The following OBSL1 variants were observed in gnomAD, a reference collection of about 807,000 sequenced individuals.
OBSL1 encodes the protein obscurin like cytoskeletal adaptor 1.
In OBSL1, 160 loss-of-function variants were observed where a neutral mutation model predicts 172.0. That is an observed-to-expected ratio of 0.93 (90% CI 0.82 to 1.06). The LOEUF is 1.06. Ranked by LOEUF, OBSL1 falls within the 50% of genes least tolerant of loss-of-function variation. OBSL1 has a pLI of 0.00. For synonymous variants in OBSL1, 1,200 were observed against 1,196.3 expected, an observed-to-expected ratio of 1.00 and a Z score of -0.06; for missense variants, 2,681 against 2,715.4, an observed-to-expected ratio of 0.99 and a Z score of 0.28.
chr2:219,555,277 A>C (rs1267895110), intron 14 of OBSL1: 1 of 154,260 alleles, frequency 6.5e-6, no homozygotes, highest in East Asian at 1.9e-4. Flanking sequence ...TAATGTTCCC[A>C]GAGACACTTG....
At chr2:219,559,002 T>TG in intron 9 of OBSL1, 2 of 552,578 alleles carry the variant, frequency 3.6e-6, no homozygotes, top group Non-Finnish European at 6.4e-6. Context: ...CAATGAGTAT[T>TG]GAACGAATGG....
At chr2:219,551,866 TTCC>T in intron 19 of OBSL1, 68 bp from the exon 20 acceptor site, 4 of 1,029,032 alleles carry the variant, frequency 3.9e-6, no homozygotes, top group Non-Finnish European at 5.8e-6. Flanking sequence ...GAGATGCATC[TTCC>T]CTCCCTGAAG....
At chr2:219,550,591 A>G (rs1695548459), downstream of OBSL1, 2 of 558,470 alleles carry the variant, frequency 3.6e-6, no homozygotes, top group East Asian at 5.8e-5. Flanking sequence ...GGCCTCTGCC[A>G]GGAATGGTGG....
chr2:219,563,235 C>T, intron 7 of OBSL1, 120 bp downstream of exon 7: 2 of 1,034,906 alleles, frequency 1.9e-6, no homozygotes, highest in Non-Finnish European at 2.8e-6. Context: ...GAGGTCCGAT[C>T]TGCCAGGGGG....
At chr2:219,565,864 AC>A (rs761696294) in intron 5 of OBSL1, among the ~76,000 whole-genome samples, 3 of 151,960 alleles carry the variant, frequency 2.0e-5, no homozygotes, top group Non-Finnish European at 4.4e-5. Context: ...ACAGTGAATC[AC>A]CCCAAGACCC....
In OBSL1 at chr2:219,555,902, T is replaced by C. The variant is rs1302385617; in HGVS notation, c.4609+118A>G. ...GGGCAAGCTGCTGCTGGGACGGCCATGGGTGACTTTTCTCAGCGATGAGGG... is the reference window on the plus strand; with the variant it reads ...GGGCAAGCTGCTGCTGGGACGGCCACGGGTGACTTTTCTCAGCGATGAGGG... On this transcript the variant is annotated intron_variant, in intron 14 of 20. Transcript: ENST00000404537. 4 of 1,497,850 alleles carry C rather than the reference T, an allele frequency of 2.7e-6. No homozygotes were observed. The African/African-American group carries it at 5.6e-5, about 21-fold the overall frequency. The allele number at this position is 1,497,850 out of a possible 1,614,324, so 92.8% of individuals were successfully genotyped here.
At chr2:219,564,087 A>G (rs1696698023) in intron 6 of OBSL1, among the ~76,000 whole-genome samples, 1 of 152,224 alleles carries the variant, frequency 6.6e-6, no homozygotes, top group African/African-American at 2.4e-5. Context: ...CACTGGGTGC[A>G]TTCAGGCAGG....
intron 6 of OBSL1, 87 bp from the exon 7 acceptor site, chr2:219,563,714 C>T: frequency 2.1e-6 from 3 of 1,415,412 alleles, no homozygotes; most frequent in Non-Finnish European, 2.9e-6. Context: ...ACTGTTTCTG[C>T]ACAAGAGGAC....
In OBSL1 at chr2:219,567,551, G is replaced by C. The variant is rs1233577963; in HGVS notation, c.1559C>G (p.Pro520Arg). The change falls in exon 4 of 21, where the codon CCC becomes CGC. Residue 520 changes from proline (P) to arginine (R), a missense_variant. By Grantham distance (103) the Pro-to-Arg change is moderately radical. Transcript: ENST00000404537. ...CTTGAACATCTCTGCCAATATGGGG[G>C]GTCCTGGGGGACTGTGCTTGACACC... ...VKCVKHSPPG[P>R]PILAEMFKGH... 2 of 1,611,890 alleles carry C rather than the reference G, an allele frequency of 1.2e-6. No homozygotes were observed. Among genetic ancestry groups the C allele is most frequent in the African/African-American group, 2.7e-5 (2 of 74,894 alleles).
In OBSL1 at chr2:219,552,976, C is replaced by G. The variant is rs1705030; in HGVS notation, c.5038G>C (p.Gly1680Arg). The G allele has an allele frequency of 6.5e-7, 1 of 1,530,750 alleles. No individual in the cohort carries two copies. The highest frequency in any genetic ancestry group is 1.2e-5 in the South Asian group (1 of 83,324). The allele number at this position is 1,530,750 out of a possible 1,614,324, so 94.8% of individuals were successfully genotyped here. ...CGCAGCTGGAGAAGGCGGCGCGTGC[C>G]GAGGGCCTGGAGCCGGAGCCGCGGG... ...PSPRLRLQAL[G>R]TRRLLQLRRC... The change falls in exon 17 of 21, where the codon GGC becomes CGC. Residue 1680 changes from glycine to arginine, a missense_variant. This residue lies in a region of OBSL1 where 1,765 missense variants were observed against 1,748.3 expected (regional missense o/e 1.01). Coordinates refer to ENST00000404537, the MANE Select transcript of OBSL1 (RefSeq NM_015311.3).
In OBSL1 at chr2:219,551,714, G is replaced by C. The variant is rs1490318297; in HGVS notation, c.5498C>G (p.Ser1833Cys). ...GRRAVLEVTV[S>C]RSGGHVCWLR... Reference sequence around the variant, plus strand: ...CCAGCACACGTGGCCCCCCGAGCGGGACACAGTCACCTCCAGCACCGCCCG... The same window carrying C: ...CCAGCACACGTGGCCCCCCGAGCGGCACACAGTCACCTCCAGCACCGCCCG... Residue 1833 changes from serine to cysteine, a missense_variant, in exon 20 of 21, where the codon TCC becomes TGC. Ser to Cys is a moderately radical substitution (Grantham distance 112, BLOSUM62 -1). Transcript: ENST00000404537. 1.9e-6 allele frequency: 3 copies of C among 1,610,074 alleles called. No homozygotes were observed. The highest frequency in any genetic ancestry group is 2.7e-5 in the African/African-American group (2 of 74,902).
At position 219,551,559 on chromosome 2, in the gene OBSL1, C is replaced by G. The variant is rs747903787; in HGVS notation, c.5653G>C (p.Asp1885His). The change falls in exon 20 of 21, where the codon GAC becomes CAC. Residue 1885 changes from aspartate to histidine, a missense_variant. Around this residue, in one of 5 missense-constraint regions of OBSL1, gnomAD observed 1,765 missense variants for 1,748.3 expected, o/e 1.01. Transcript: ENST00000404537. The stretch of plus-strand genomic sequence containing the variant: ...ACCAGCAGCCGTGTGTGGGTGCTGT[C>G]CTGGCCGGCCTGGCAGCAGTAAGTG... ...QGTYCCQAGQ[D>H]STHTRLLVEG... 3.1e-6 allele frequency: 5 copies of G among 1,599,996 alleles called. No homozygotes were observed.
chr2:219,559,900 A>G (rs993706051), intron 8 of OBSL1, among the ~76,000 whole-genome samples: 1 of 152,264 alleles, frequency 6.6e-6, no homozygotes, highest in South Asian at 2.1e-4. Context: ...AGCTATAGCT[A>G]TATTCACCCT....
chr2:219,565,605 G>T, intron 5 of OBSL1, 91 bp from the exon 6 acceptor site: 1 of 1,349,834 alleles, frequency 7.4e-7, no homozygotes, highest in Non-Finnish European at 1.0e-6. Flanking sequence ...CTGTTGTTGG[G>T]GTTTTTAAAA....
In OBSL1 at chr2:219,571,265, TGGGGGGGCA is replaced by T; in HGVS notation, c.-42_-34del. The T allele has an allele frequency of 2.6e-6, 2 of 756,386 alleles. No homozygotes were observed. The highest frequency in any genetic ancestry group is 5.6e-5 in the Admixed American group (1 of 17,702). The allele number at this position is 756,386 out of a possible 1,614,324, so 46.9% of individuals were successfully genotyped here. On this transcript the variant is annotated 5_prime_UTR_variant, in exon 1 of 21. Transcript: ENST00000404537. ...GCCGACCGCCTGCAGCGGCGAACGG[TGGGGGGGCA>T]GGGGGGGGTGCGGAGGGCGAGCCGA...
Position 219,552,553 on chromosome 2 carries a change from A to G in OBSL1, c.5291T>C (p.Val1764Ala). Residue 1764 changes from valine (V) to alanine (A), a missense_variant, in exon 18 of 21, where the codon GTC (valine) becomes GCC (alanine). Val to Ala is a moderately conservative substitution (Grantham distance 64). Transcript: ENST00000404537. Reference protein sequence around the residue: ...GGRPLRPGARVRIRQEGKKHI... With the variant: ...GGRPLRPGARARIRQEGKKHI... ...GGGCAGACCTTCCTGTCGGATGCGG[A>G]CGCGGGCTCCGGGTCTCAGCGGGCG... The G allele has an allele frequency of 6.3e-7, 1 of 1,596,258 alleles. No individual in the cohort carries two copies. The highest frequency in any genetic ancestry group is 8.5e-7 in the Non-Finnish European group (1 of 1,177,598).
intron 18 of OBSL1, 110 bp from the exon 19 acceptor site, chr2:219,552,326 G>T: frequency 4.8e-6 from 5 of 1,046,734 alleles, no homozygotes; most frequent in Non-Finnish European, 7.0e-6. Flanking sequence ...GTTAGTGTAT[G>T]CTAGGGTGGG....
intron 15 of OBSL1, 72 bp downstream of exon 15, chr2:219,554,402 G>C: frequency 6.5e-7 from 1 of 1,544,322 alleles, no homozygotes; most frequent in East Asian, 2.3e-5. Flanking sequence ...ACGAGTTGGG[G>C]GTCAGTATTC....
chr2:219,564,714 G>C (rs1233149613), intron 6 of OBSL1, among the ~76,000 whole-genome samples: 7 of 152,204 alleles, frequency 4.6e-5, no homozygotes, highest in Non-Finnish European at 1.0e-4. Context: ...TGAGGAAGGA[G>C]GATCGTTTGA....
Sources: gnomAD v4.1 joint callset for allele counts (sites outside exome capture counted in the v4.1 genomes callset) on GRCh38, gnomAD v4.1.1 for gene constraint, gnomAD v4.1.1 regional missense constraint, MANE v1.5 for transcripts, NCBI Gene and HGNC (gene_info 2026-07-23, HGNC 2026-07-21) for gene names.